SLC24A2: variants seen among roughly 807,000 people sequenced by gnomAD.
SLC24A2 encodes the protein sodium/potassium/calcium exchanger 2.
Under a neutral mutation model 62.0 loss-of-function variants are expected in SLC24A2, and 36 were observed. The observed-to-expected ratio is 0.58, with a 90% confidence interval of 0.44 to 0.77. SLC24A2 has a LOEUF of 0.77. SLC24A2 is among the 30% of genes least tolerant of loss of function. The probability of loss-of-function intolerance (pLI) is 0.00; values close to 1 mark genes in which losing one functional copy is unlikely to be tolerated. For synonymous variants in SLC24A2, 358 were observed against 294.0 expected (o/e 1.22, Z -2.23); for missense variants, 846 against 817.9 (o/e 1.03, Z -0.42).
At chr9:19,596,862 C>T (rs543226750) in intron 5 of SLC24A2, among the ~76,000 whole-genome samples, 1 of 152,296 alleles carries the variant, frequency 6.6e-6, no homozygotes, top group South Asian at 2.1e-4. Context: ...ACATCCCCCT[C>T]TGAAATAAAG....
At chr9:19,566,321 CAAA>C (rs1247147720) in intron 7 of SLC24A2, among the ~76,000 whole-genome samples, 3 of 149,780 alleles carry the variant, frequency 2.0e-5, no homozygotes, top group Non-Finnish European at 4.4e-5. Context: ...AGACACTTCT[CAAA>C]AGAAGACATT....
At chr9:20,271,746 C>T in the SLC24A2 span, among the ~76,000 whole-genome samples, 9 of 151,848 alleles carry the variant, frequency 5.9e-5, no homozygotes, top group Non-Finnish European at 1.0e-4. Flanking sequence ...ACTTGGACTC[C>T]GTTTTGTTAT....
chr9:19,875,369 C>G, the SLC24A2 span, among the ~76,000 whole-genome samples: 3 of 152,304 alleles, frequency 2.0e-5, no homozygotes, highest in Non-Finnish European at 4.4e-5. Context: ...TGAGGACTTA[C>G]TTTTAAGTAG....
At chr9:20,200,955 A>C in the SLC24A2 span, among the ~76,000 whole-genome samples, 1 of 152,238 alleles carries the variant, frequency 6.6e-6, no homozygotes, top group Non-Finnish European at 1.5e-5. Flanking sequence ...TCTCTAAAAC[A>C]GGGGTTTTAC....
At chr9:19,522,753 G>C (rs572272769) in intron 9 of SLC24A2, among the ~76,000 whole-genome samples, 16 of 152,252 alleles carry the variant, frequency 1.1e-4, no homozygotes, top group African/African-American at 3.4e-4. Flanking sequence ...ATACTGATTT[G>C]CTGAGTAAGC....
the SLC24A2 span, among the ~76,000 whole-genome samples, chr9:20,064,290 A>T: frequency 6.6e-6 from 1 of 152,212 alleles, no homozygotes; most frequent in Non-Finnish European, 1.5e-5. Context: ...GACAGAGAGT[A>T]GATCAATGGT....
intron 2 of SLC24A2, among the ~76,000 whole-genome samples, chr9:19,720,571 G>A (rs950089882): frequency 1.3e-5 from 2 of 152,120 alleles, no homozygotes; most frequent in African/African-American, 2.4e-5. Flanking sequence ...GGAACTGCTA[G>A]AAGAAAGCTG....
chr9:19,777,307 A>T (rs1484406990), intron 2 of SLC24A2, among the ~76,000 whole-genome samples: 1 of 152,214 alleles, frequency 6.6e-6, no homozygotes, highest in African/African-American at 2.4e-5. Context: ...AATTAATTAA[A>T]ATGCTACGTT....
At chr9:20,257,908 G>C in the SLC24A2 span, among the ~76,000 whole-genome samples, 1 of 152,144 alleles carries the variant, frequency 6.6e-6, no homozygotes, top group Non-Finnish European at 1.5e-5. Flanking sequence ...TGGTCCCTTA[G>C]CTCATGGAGT....
At chr9:19,532,974 T>C (rs758950286) in intron 8 of SLC24A2, among the ~76,000 whole-genome samples, 9 of 152,220 alleles carry the variant, frequency 5.9e-5, no homozygotes, top group Admixed American at 1.3e-4. Flanking sequence ...TTGGTCCTCA[T>C]TGAAGTTTAT....
intron 2 of SLC24A2, among the ~76,000 whole-genome samples, chr9:19,630,412 A>G (rs1217514100): frequency 3.9e-4 from 59 of 152,100 alleles, no homozygotes; most frequent in Admixed American, 3.7e-3. Context: ...TTTTTTGCCA[A>G]TCTTTTATTT....
chr9:20,074,446 A>C, the SLC24A2 span, among the ~76,000 whole-genome samples: 2 of 151,762 alleles, frequency 1.3e-5, no homozygotes, highest in African/African-American at 4.8e-5. Flanking sequence ...TATCTGTTTC[A>C]TTTAGGACAA....
In SLC24A2 at chr9:19,696,973, A is replaced by G. The variant is rs946753682; in HGVS notation, c.931-74674T>C. Among the ~76,000 whole-genome samples, 29 of 152,288 alleles carry G rather than the reference A, an allele frequency of 1.9e-4. 1 individual carries two copies. Among genetic ancestry groups the G allele is most frequent in the African/African-American group, 6.0e-4 (25 of 41,582 alleles). ...ATGTTATAATAGATCCCAATACATCATATGCCATGTCGAGCTATTTTCTTT... is the reference window on the plus strand; with the variant it reads ...ATGTTATAATAGATCCCAATACATCGTATGCCATGTCGAGCTATTTTCTTT... On this transcript the variant is annotated intron_variant, in intron 2 of 10. Transcript: ENST00000341998.
At chr9:20,267,264 T>A in the SLC24A2 span, among the ~76,000 whole-genome samples, 1 of 152,202 alleles carries the variant, frequency 6.6e-6, no homozygotes, top group Non-Finnish European at 1.5e-5. Context: ...AATCTAGTTT[T>A]CACAATAACC....
At chr9:19,798,574 A>G in the SLC24A2 span, among the ~76,000 whole-genome samples, 1 of 148,982 alleles carries the variant, frequency 6.7e-6, no homozygotes, top group Non-Finnish European at 1.5e-5. Flanking sequence ...TATATGAACA[A>G]TACGTTTGAT....
chr9:19,890,662 A>C, the SLC24A2 span, among the ~76,000 whole-genome samples: 2 of 151,788 alleles, frequency 1.3e-5, no homozygotes, highest in African/African-American at 4.8e-5. Flanking sequence ...TCATTCCATC[A>C]CATAGCTTTT....
chr9:20,063,263 C>G, the SLC24A2 span, among the ~76,000 whole-genome samples: 6 of 151,330 alleles, frequency 4.0e-5, no homozygotes, highest in South Asian at 6.4e-4. Context: ...CAATGATAGA[C>G]TGGATTAAGA....
In SLC24A2 at chr9:19,644,561, G is replaced by C. The variant is rs538080256; in HGVS notation, c.931-22262C>G. Among the ~76,000 whole-genome samples the C allele has an allele frequency of 3.9e-5, 6 of 152,302 alleles. No individual in the cohort carries two copies. The South Asian group carries it at 1.0e-3, about 26-fold the overall frequency. On this transcript the variant is annotated intron_variant, in intron 2 of 10. Coordinates refer to ENST00000341998, the MANE Select transcript of SLC24A2 (RefSeq NM_020344.4). Reference sequence around the variant, plus strand: ...ACAAGCTGAGATTTGAACTCAGGCAGTCTAGATTCAAGGTCTGTGCTCTAA... The same window carrying C: ...ACAAGCTGAGATTTGAACTCAGGCACTCTAGATTCAAGGTCTGTGCTCTAA...
chr9:20,280,379 C>T, the SLC24A2 span, among the ~76,000 whole-genome samples: 1 of 152,134 alleles, frequency 6.6e-6, no homozygotes, highest in African/African-American at 2.4e-5. Flanking sequence ...GAAGCAGCTT[C>T]CATCTGACTA....
Sources: gnomAD v4.1 joint callset for allele counts (sites outside exome capture counted in the v4.1 genomes callset) on GRCh38, gnomAD v4.1.1 for gene constraint, MANE v1.5 for transcripts, NCBI Gene and HGNC (gene_info 2026-07-23, HGNC 2026-07-21) for gene names.